The following ZMYND11 variants were observed in gnomAD, a reference collection of about 807,000 sequenced individuals.
The protein encoded by ZMYND11 is zinc finger MYND-type containing 11, also known as zinc finger MYND domain-containing protein 11.
ZMYND11 carries 9 observed loss-of-function variants against 84.9 expected under a neutral mutation model. The observed-to-expected ratio is 0.11, with a 90% CI of 0.06 to 0.18. The LOEUF is 0.18. ZMYND11 is among the 10% of genes least tolerant of loss of function. ZMYND11 has a pLI of 1.00. For missense variants in ZMYND11, 409 were observed against 761.0 expected (o/e 0.54, Z 5.44); for synonymous variants, 250 against 244.1 (o/e 1.02, Z -0.23).
At chr10:230,603 C>A (rs1194506348) in intron 4 of ZMYND11, among the ~76,000 whole-genome samples, 1 of 151,218 alleles carries the variant, frequency 6.6e-6, no homozygotes, top group Non-Finnish European at 1.5e-5. Context: ...ACTAATATTT[C>A]AGTGAGCTAT....
intron 2 of ZMYND11, among the ~76,000 whole-genome samples, chr10:190,866 T>A (rs1305135742): frequency 6.6e-6 from 1 of 152,116 alleles, no homozygotes; most frequent in African/African-American, 2.4e-5. Context: ...AAGCCCATTT[T>A]CCTTTCTCTT....
chr10:142,024 G>A lies in ZMYND11; in HGVS notation c.-20+6465G>A, dbSNP rs113470797. ...TTAATTTGGCTGTACACATTAGGTC[G>A]CTTTATGAGTCTACTTTGTAAGCAG... On this transcript the variant is annotated intron_variant, in intron 1 of 14. Coordinates refer to ENST00000381604, the MANE Select transcript of ZMYND11 (RefSeq NM_001370100.5). Among the ~76,000 whole-genome samples, 805 of 152,280 alleles carry A rather than the reference G, an allele frequency of 5.3e-3. 3 individuals are homozygous for A. The highest frequency in any genetic ancestry group is 0.018 in the African/African-American group (761 of 41,554).
At chr10:164,954 A>G (rs917831238) in intron 1 of ZMYND11, among the ~76,000 whole-genome samples, 1 of 146,304 alleles carries the variant, frequency 6.8e-6, no homozygotes, top group Non-Finnish European at 1.5e-5. Flanking sequence ...TTGAAAAATC[A>G]TGTGTATGTA....
chr10:188,372 A>AG (rs1939336378), intron 2 of ZMYND11, among the ~76,000 whole-genome samples: 1 of 151,784 alleles, frequency 6.6e-6, no homozygotes, highest in East Asian at 1.9e-4. Context: ...GGATCGCTTG[A>AG]GCTCAGGAGC....
At chr10:156,503 C>G (rs550569427) in intron 1 of ZMYND11, among the ~76,000 whole-genome samples, 221 of 152,292 alleles carry the variant, frequency 1.5e-3, no homozygotes, top group Non-Finnish European at 2.0e-3. Flanking sequence ...GCACATAACT[C>G]AAACTCATGG....
chr10:228,004 A>G (rs1948416295), intron 4 of ZMYND11, among the ~76,000 whole-genome samples: 1 of 152,206 alleles, frequency 6.6e-6, no homozygotes, highest in South Asian at 2.1e-4. Context: ...ATTTTATACT[A>G]ACAAAAGGAG....
At chr10:211,280 T>C (rs1006351677) in intron 3 of ZMYND11, among the ~76,000 whole-genome samples, 4 of 151,970 alleles carry the variant, frequency 2.6e-5, no homozygotes, top group Admixed American at 6.6e-5. Context: ...GATAGACATA[T>C]CCCTTTCAAA....
In ZMYND11 at chr10:247,476, C is replaced by T; in HGVS notation, c.1227+10C>T. On this transcript the variant is annotated intron_variant, in intron 12 of 14. Coordinates refer to ENST00000381604, the MANE Select transcript of ZMYND11 (RefSeq NM_001370100.5). ...GGAGCCCAAAAAGGAAGTAAGTTGC[C>T]CACCTCGCAGTATCCAGGTGGCAAA... 7 of 1,613,504 alleles carry T rather than the reference C, an allele frequency of 4.3e-6. No homozygotes were observed. Among genetic ancestry groups the T allele is most frequent in the Non-Finnish European group, 5.9e-6 (7 of 1,179,638 alleles).
At chr10:212,621 T>C (rs1945448292) in intron 3 of ZMYND11, among the ~76,000 whole-genome samples, 3 of 152,076 alleles carry the variant, frequency 2.0e-5, no homozygotes, top group South Asian at 2.1e-4. Flanking sequence ...CCCTCAGCTG[T>C]CGTATGGGCA....
At position 246,761 on chromosome 10, in the gene ZMYND11, C is replaced by A. The variant is rs775978674; in HGVS notation, c.951-5C>A. On this transcript the variant is annotated splice_polypyrimidine_tract_variant and splice_region_variant and intron_variant, in intron 10 of 14. Coordinates refer to ENST00000381604, the MANE Select transcript of ZMYND11 (RefSeq NM_001370100.5). ...TCTAACTATACCTTTATGTGTTTTT[C>A]CTAGGGCCTGGATTCCTTCTGAAAA... 6.2e-7 allele frequency: 1 copy of A among 1,613,928 alleles called. No homozygotes were observed. The highest frequency in any genetic ancestry group is 1.1e-5 in the South Asian group (1 of 91,046).
chr10:226,187 C>T (rs1436897419), intron 4 of ZMYND11, among the ~76,000 whole-genome samples: 1 of 152,132 alleles, frequency 6.6e-6, no homozygotes, highest in Admixed American at 6.5e-5. Context: ...TTGGAGAGTT[C>T]TTAAAGAAGC....
intron 2 of ZMYND11, among the ~76,000 whole-genome samples, chr10:195,925 G>T (rs937511647): frequency 1.3e-5 from 2 of 152,184 alleles, no homozygotes; most frequent in Non-Finnish European, 2.9e-5. Flanking sequence ...GGGAGGCATG[G>T]AAGTTTGTTG....
chr10:204,731 C>G (rs1325276989), intron 2 of ZMYND11, among the ~76,000 whole-genome samples: 1 of 152,042 alleles, frequency 6.6e-6, no homozygotes, highest in Non-Finnish European at 1.5e-5. Flanking sequence ...TCCTAAATGC[C>G]TTTCAACGTG....
intron 1 of ZMYND11, among the ~76,000 whole-genome samples, chr10:137,168 C>A (rs1362163082): frequency 1.3e-5 from 2 of 151,988 alleles, no homozygotes; most frequent in Non-Finnish European, 2.9e-5. Context: ...GTACCTAGTA[C>A]CGAGTGTCAT....
chr10:217,615 T>C, intron 3 of ZMYND11, among the ~76,000 whole-genome samples: 1 of 152,174 alleles, frequency 6.6e-6, no homozygotes, highest in South Asian at 2.1e-4. Flanking sequence ...AAGCATGTTC[T>C]ATCATTTTGT....
At chr10:176,464 C>G (rs1169763322) in intron 1 of ZMYND11, among the ~76,000 whole-genome samples, 10 of 151,908 alleles carry the variant, frequency 6.6e-5, no homozygotes, top group African/African-American at 2.2e-4. Flanking sequence ...AAGGTTCACT[C>G]TGGGCTCTTG....
At chr10:203,462 T>G (rs182150350) in intron 2 of ZMYND11, among the ~76,000 whole-genome samples, 27 of 152,260 alleles carry the variant, frequency 1.8e-4, no homozygotes, top group African/African-American at 6.5e-4. Context: ...TATAAATAAA[T>G]GAGCATATGT....
chr10:240,150 CTG>C (rs1187285804), intron 8 of ZMYND11, 39 bp downstream of exon 8: 3 of 1,469,266 alleles, frequency 2.0e-6, no homozygotes, highest in Middle Eastern at 1.8e-4. Context: ...CTTTCTATAA[CTG>C]AAATTAATTT....
At chr10:244,227 C>T (rs1951661447) in intron 10 of ZMYND11, among the ~76,000 whole-genome samples, 1 of 152,090 alleles carries the variant, frequency 6.6e-6, no homozygotes, top group Admixed American at 6.5e-5. Context: ...ATTATTTAAG[C>T]AACTTATGCT....
Sources: gnomAD v4.1 joint callset for allele counts (sites outside exome capture counted in the v4.1 genomes callset) on GRCh38, gnomAD v4.1.1 for gene constraint, MANE v1.5 for transcripts, NCBI Gene and HGNC (gene_info 2026-07-23, HGNC 2026-07-21) for gene names.